The following PDE5A variants were observed in gnomAD, a reference collection of about 807,000 sequenced individuals.
PDE5A encodes the protein cGMP-specific 3',5'-cyclic phosphodiesterase.
Under a neutral mutation model 110.2 loss-of-function variants are expected in PDE5A, and 67 were observed. The ratio of observed to expected loss-of-function variants is 0.61; its 90% CI spans 0.50 to 0.75. PDE5A has a LOEUF of 0.75. PDE5A is among the 30% of genes least tolerant of loss of function. The pLI is 0.00. For synonymous variants in PDE5A, 328 were observed against 351.2 expected (o/e 0.93, Z 0.74); for missense variants, 862 against 1,045.1 (o/e 0.82, Z 2.42).
chr4:119,572,643 CA>C (rs1217774054), intron 3 of PDE5A, among the ~76,000 whole-genome samples: 2 of 152,248 alleles, frequency 1.3e-5, no homozygotes, highest in African/African-American at 4.8e-5. Context: ...ATGCCTTTGC[CA>C]TCTAAAACAG....
At chr4:119,626,793 G>C (rs1245196992) in intron 1 of PDE5A, among the ~76,000 whole-genome samples, 1 of 152,170 alleles carries the variant, frequency 6.6e-6, no homozygotes, top group South Asian at 2.1e-4. Flanking sequence ...GGTGAAAGCG[G>C]GGGAAGACGA....
chr4:119,566,790 T>C (rs1343141739), intron 4 of PDE5A, among the ~76,000 whole-genome samples: 1 of 152,170 alleles, frequency 6.6e-6, no homozygotes, highest in African/African-American at 2.4e-5. Flanking sequence ...ATAGTTAAAA[T>C]ACCATAAGTC....
chr4:119,508,883 C>A (rs1229811422), intron 15 of PDE5A, among the ~76,000 whole-genome samples: 1 of 151,718 alleles, frequency 6.6e-6, no homozygotes, highest in Non-Finnish European at 1.5e-5. Context: ...TTGAGCCAGC[C>A]ATATAGATAA....
intron 14 of PDE5A, chr4:119,512,442 G>C (rs998301152): frequency 1.3e-5 from 2 of 152,140 alleles, no homozygotes; most frequent in African/African-American, 4.8e-5. Flanking sequence ...GAAAAAGGAT[G>C]AACTTACTGG....
chr4:119,594,694 C>T lies in PDE5A; in HGVS notation c.831+1829G>A, dbSNP rs957196627. ...AAACTAATTAATTAATCTCATATTA[C>T]GTCATTGCTGCAGGCATTTTTAGTT... On this transcript the variant is annotated intron_variant, in intron 3 of 20. Coordinates refer to ENST00000354960, the MANE Select transcript of PDE5A (RefSeq NM_001083.4). Among the ~76,000 whole-genome samples the T allele has an allele frequency of 2.0e-5, 3 of 152,120 alleles. No homozygotes were observed. The East Asian group carries it at 5.8e-4, about 29-fold the overall frequency.
At chr4:119,592,463 A>T (rs1455080986) in intron 3 of PDE5A, among the ~76,000 whole-genome samples, 1 of 39,410 alleles carries the variant, frequency 2.5e-5, no homozygotes, top group Non-Finnish European at 6.0e-5. Flanking sequence ...GTTTAAAAAA[A>T]AAAAAAAAAA....
rs148360694 is a variant in PDE5A at position 119,542,606 on chromosome 4, C to T, written c.1425G>A (p.Glu475=). ...IGVCQLVNKM[E]ENTGKVKPFN... ...AAGGCTTAACCTTGCCAGTATTCTC[C>T]TCCATCTTATTAACAAGTTGGCAAA... The change falls in exon 10 of 21, where the codon GAG becomes GAA. Residue 475 remains glutamate (E), a synonymous_variant. Transcript: ENST00000354960. 5,711 of 1,613,854 alleles carry T rather than the reference C, an allele frequency of 3.5e-3. 21 individuals are homozygous for T. Among genetic ancestry groups the T allele is most frequent in the Non-Finnish European group, 4.1e-3 (4,790 of 1,179,834 alleles).
intron 2 of PDE5A, among the ~76,000 whole-genome samples, chr4:119,604,634 A>G (rs144077664): frequency 6.6e-6 from 1 of 152,184 alleles, no homozygotes; most frequent in Non-Finnish European, 1.5e-5. Flanking sequence ...TTGCTTATAT[A>G]GAATGGATTC....
In PDE5A at chr4:119,619,385, C is replaced by T. The variant is rs562370074; in HGVS notation, c.152+9135G>A. Among the ~76,000 whole-genome samples, 10 of 152,194 alleles carry T rather than the reference C, an allele frequency of 6.6e-5. No individual in the cohort carries two copies. The South Asian group carries it at 1.7e-3, about 25-fold the overall frequency. On this transcript the variant is annotated intron_variant, in intron 1 of 20. Transcript: ENST00000354960. ...TTTTAAGCTCACTTATGAATCTCTC[C>T]GCCTTGAGTCTTCACCCTCTTTCAC...
intron 1 of PDE5A, among the ~76,000 whole-genome samples, chr4:119,614,507 T>C (rs1466982902): frequency 6.6e-6 from 1 of 152,184 alleles, no homozygotes; most frequent in African/African-American, 2.4e-5. Flanking sequence ...TGCAGCATAC[T>C]AGTAAGTTCC....
intron 1 of PDE5A, among the ~76,000 whole-genome samples, chr4:119,626,923 A>T (rs1197279223): frequency 6.6e-6 from 1 of 151,616 alleles, no homozygotes; most frequent in South Asian, 2.1e-4. Context: ...TAGGAAAAAA[A>T]CAAAACAAAA....
At position 119,495,704 on chromosome 4, in the gene PDE5A, G is replaced by T. The variant is rs1725035244; in HGVS notation, c.*2897C>A. On this transcript the variant is annotated 3_prime_UTR_variant, in exon 21 of 21. Coordinates refer to ENST00000354960, the MANE Select transcript of PDE5A (RefSeq NM_001083.4). ...AGGAAACTATTATTCAAAATTAAGA[G>T]ACAGTGGTGACAACATCATCATCCT... 6.6e-6 allele frequency: 1 copy of T among 152,358 alleles called. No individual in the cohort carries two copies. Among genetic ancestry groups the T allele is most frequent in the Admixed American group, 6.6e-5 (1 of 15,238 alleles). 9.4% of individuals were successfully genotyped at this position (152,358 alleles called of 1,614,324 possible).
Position 119,502,566 on chromosome 4 carries a change from A to G in PDE5A, c.2406+15T>C. 1 of 1,468,370 alleles carries G rather than the reference A, an allele frequency of 6.8e-7. No individual in the cohort carries two copies. The highest frequency in any genetic ancestry group is 9.4e-7 in the Non-Finnish European group (1 of 1,061,654). The allele number at this position is 1,468,370 out of a possible 1,614,324, so 91.0% of individuals were successfully genotyped here. On this transcript the variant is annotated intron_variant, in intron 19 of 20. Transcript: ENST00000354960. The stretch of plus-strand genomic sequence containing the variant: ...ACAATTTGAATAATTCCTACCAACA[A>G]GGTTTCATACTTACAGTGGGTTCTA...
intron 1 of PDE5A, among the ~76,000 whole-genome samples, chr4:119,620,927 T>C (rs186942890): frequency 6.6e-6 from 1 of 152,290 alleles, no homozygotes; most frequent in Admixed American, 6.5e-5. Flanking sequence ...GTGAAATCAT[T>C]ATAGGCCAAA....
intron 15 of PDE5A, among the ~76,000 whole-genome samples, chr4:119,508,494 C>T (rs114085941): frequency 0.013 from 1,994 of 151,962 alleles, 33 homozygotes; most frequent in Non-Finnish European, 0.017. Flanking sequence ...AAAACCCAGA[C>T]GCTTAGGAAT....
At chr4:119,560,465 C>T in intron 6 of PDE5A, 102 bp from the exon 7 acceptor site, 1 of 573,414 alleles carries the variant, frequency 1.7e-6, no homozygotes, top group Non-Finnish European at 2.9e-6. Context: ...GACCCCAATA[C>T]TTGTAGTATA....
chr4:119,503,210 G>GA (rs1291536981), intron 18 of PDE5A, among the ~76,000 whole-genome samples: 1 of 152,120 alleles, frequency 6.6e-6, no homozygotes, highest in Non-Finnish European at 1.5e-5. Flanking sequence ...AAGCAGCCCG[G>GA]AGTCTTGACC....
At chr4:119,559,610 C>A (rs538018768) in intron 7 of PDE5A, among the ~76,000 whole-genome samples, 2 of 152,096 alleles carry the variant, frequency 1.3e-5, no homozygotes, top group South Asian at 2.1e-4. Flanking sequence ...AAAGATATTA[C>A]AGCATCATAA....
rs921915182 is a variant in PDE5A at position 119,552,927 on chromosome 4, C to T, written c.1309-290G>A. On this transcript the variant is annotated intron_variant, in intron 8 of 20. Transcript: ENST00000354960. ...AAGTTAAAAAAAATAAGTAAAAGTACAGTATCTACTATACTAGTGTAGTAA... is the reference window on the plus strand; with the variant it reads ...AAGTTAAAAAAAATAAGTAAAAGTATAGTATCTACTATACTAGTGTAGTAA... Among the ~76,000 whole-genome samples the T allele has an allele frequency of 1.7e-4, 26 of 151,968 alleles. No homozygotes were observed. In the East Asian group the frequency reaches 1.9e-3, roughly 11 times the overall value.
Sources: gnomAD v4.1 joint callset for allele counts (sites outside exome capture counted in the v4.1 genomes callset) on GRCh38, gnomAD v4.1.1 for gene constraint, MANE v1.5 for transcripts, NCBI Gene and HGNC (gene_info 2026-07-23, HGNC 2026-07-21) for gene names.